The following FLYWCH1 variants were observed in gnomAD, a reference collection of about 807,000 sequenced individuals.
The protein encoded by FLYWCH1 is FLYWCH-type zinc finger 1, also known as FLYWCH-type zinc finger-containing protein 1.
In FLYWCH1, 75 loss-of-function variants were observed where a neutral mutation model predicts 66.4. The ratio of observed to expected loss-of-function variants is 1.13; its 90% confidence interval spans 0.94 to 1.37. The LOEUF is 1.37. Ranked by LOEUF, FLYWCH1 falls within the 40% of genes most tolerant of loss-of-function variation. The pLI is 0.00. For synonymous variants in FLYWCH1, 595 were observed against 429.9 expected, an observed-to-expected ratio of 1.38 and a Z score of -4.75; for missense variants, 1,334 against 1,001.8, an observed-to-expected ratio of 1.33 and a Z score of -4.48.
At chr16:2,926,350 C>G (rs1325366665) in intron 2 of FLYWCH1, among the ~76,000 whole-genome samples, 2 of 152,168 alleles carry the variant, frequency 1.3e-5, no homozygotes, top group African/African-American at 2.4e-5. Context: ...ATTAAAGCAG[C>G]TTTAGAACCG....
At chr16:2,920,876 C>T (rs1310935156) in intron 2 of FLYWCH1, among the ~76,000 whole-genome samples, 3 of 110,598 alleles carry the variant, frequency 2.7e-5, no homozygotes, top group African/African-American at 1.0e-4. Flanking sequence ...CAGTCTCACT[C>T]TGTCGCCCAG....
At chr16:2,923,190 T>C (rs2070439406) in intron 2 of FLYWCH1, 1 of 359,620 alleles carries the variant, frequency 2.8e-6, no homozygotes. Context: ...GCTTCAGCTT[T>C]ACAAGGGGCA....
chr16:2,921,049 G>A (rs1171868765), intron 2 of FLYWCH1, among the ~76,000 whole-genome samples: 1 of 151,516 alleles, frequency 6.6e-6, no homozygotes, highest in Non-Finnish European at 1.5e-5. Context: ...CACTGTGTTA[G>A]CCCGGATGGT....
intron 6 of FLYWCH1, chr16:2,934,601 C>T (rs1228030717): frequency 4.4e-6 from 2 of 456,236 alleles, no homozygotes; most frequent in Admixed American, 4.7e-5. Context: ...CCTGCTCTTC[C>T]TTCACGCCCC....
At chr16:2,919,741 AT>A (rs1172861550) in intron 2 of FLYWCH1, among the ~76,000 whole-genome samples, 2 of 151,962 alleles carry the variant, frequency 1.3e-5, no homozygotes, top group East Asian at 1.9e-4. Flanking sequence ...ATCCTCTTGA[AT>A]TTTTTTTCCA....
chr16:2,940,455 T>G (rs528808779), intron 9 of FLYWCH1, among the ~76,000 whole-genome samples: 1 of 152,316 alleles, frequency 6.6e-6, no homozygotes, highest in African/African-American at 2.4e-5. Flanking sequence ...TTTTATTTTT[T>G]GAGATGGAGT....
intron 2 of FLYWCH1, among the ~76,000 whole-genome samples, chr16:2,916,117 C>G (rs1038018747): frequency 6.6e-6 from 1 of 152,028 alleles, no homozygotes; most frequent in Non-Finnish European, 1.5e-5. Flanking sequence ...GAGGCAAAGA[C>G]GGGCTGATCA....
chr16:2,912,582 C>T (rs1259917335), intron 1 of FLYWCH1, among the ~76,000 whole-genome samples: 2 of 152,192 alleles, frequency 1.3e-5, no homozygotes, highest in African/African-American at 4.8e-5. Context: ...TGTTGACCCA[C>T]AGCCGACACT....
At chr16:2,916,493 C>T (rs969562020) in intron 2 of FLYWCH1, among the ~76,000 whole-genome samples, 3 of 151,708 alleles carry the variant, frequency 2.0e-5, no homozygotes, top group African/African-American at 7.3e-5. Flanking sequence ...AAAAATTATC[C>T]AGGCCTGGTG....
chr16:2,948,847 C>T lies in FLYWCH1; in HGVS notation c.*120C>T, dbSNP rs1214544825. On this transcript the variant is annotated 3_prime_UTR_variant, in exon 10 of 10. Transcript: ENST00000253928. ...ACTTCTTTTCATTCTTCCAAAGCATCGATGGTCTTCGCGTCTCCTCAGGAG... is the reference window on the plus strand; with the variant it reads ...ACTTCTTTTCATTCTTCCAAAGCATTGATGGTCTTCGCGTCTCCTCAGGAG... The T allele has an allele frequency of 1.2e-6, 1 of 861,006 alleles. No homozygotes were observed. Among genetic ancestry groups the T allele is most frequent in the Non-Finnish European group, 1.9e-6 (1 of 527,170 alleles). The allele number at this position is 861,006 out of a possible 1,614,324, so 53.3% of individuals were successfully genotyped here.
Position 2,933,362 on chromosome 16 carries a change from G to A in FLYWCH1, c.1029G>A (p.Gln343=), listed in dbSNP as rs561021656. The A allele has an allele frequency of 7.5e-6, 12 of 1,603,850 alleles. No homozygotes were observed. The East Asian group carries it at 2.3e-4, about 30-fold the overall frequency. The change falls in exon 5 of 10, where the codon CAG becomes CAA. Residue 343 remains glutamine (Q), a synonymous_variant. Coordinates refer to ENST00000253928, the MANE Select transcript of FLYWCH1 (RefSeq NM_001308068.2). The stretch of plus-strand genomic sequence containing the variant: ...TGGAGGGCCTGGAAGCCCGGCGGCA[G>A]CAGGAGAAGGCCGTGGAGACGCTGC... The part of the protein sequence containing the change: ...PDMEGLEARR[Q]QEKAVETLQA...
intron 6 of FLYWCH1, chr16:2,936,331 G>A (rs1240638733): frequency 4.4e-6 from 2 of 452,288 alleles, no homozygotes; most frequent in Admixed American, 4.8e-5. Flanking sequence ...GTGGTCCCCA[G>A]GCTCCTGTGC....
chr16:2,929,250 A>G (rs1314000327), intron 2 of FLYWCH1, among the ~76,000 whole-genome samples: 1 of 152,184 alleles, frequency 6.6e-6, no homozygotes, highest in Non-Finnish European at 1.5e-5. Flanking sequence ...TGGGTCAATA[A>G]GAACGTTCTG....
At position 2,923,017 on chromosome 16, in the gene FLYWCH1, G is replaced by A. The variant is rs1455821048; in HGVS notation, c.-73-6596G>A. The A allele has an allele frequency of 2.4e-5, 11 of 468,026 alleles. No individual in the cohort carries two copies. The East Asian group carries it at 5.7e-4, about 24-fold the overall frequency. 29.0% of individuals were successfully genotyped at this position (468,026 alleles called of 1,614,324 possible). A position where few individuals can be genotyped will look rare whatever the true frequency, so the allele number is the denominator to read the frequency against. On this transcript the variant is annotated intron_variant, in intron 2 of 9. Coordinates refer to ENST00000253928, the MANE Select transcript of FLYWCH1 (RefSeq NM_001308068.2). ...CGGGTGACGCGCGGATCTTTTTTTG[G>A]GGGGGCTGTTGTGTGGATCTTTTTT...
chr16:2,936,794 G>A (rs1045904862), intron 6 of FLYWCH1: 19 of 541,566 alleles, frequency 3.5e-5, no homozygotes, highest in Admixed American at 1.6e-4. Context: ...AACCAGGCAC[G>A]GCGCACCCTG....
In FLYWCH1 at chr16:2,933,275, C is replaced by G. The variant is rs759189854; in HGVS notation, c.942C>G (p.Ser314Arg). ...CRDHALHGCRSRAITQGQRVT... is the reference protein window; with the variant it reads ...CRDHALHGCRRRAITQGQRVT... ...ACCACGCGCTGCACGGCTGCCGGAGCCGGGCCATCACCCAGGGACAGCGGG... is the reference window on the plus strand; with the variant it reads ...ACCACGCGCTGCACGGCTGCCGGAGGCGGGCCATCACCCAGGGACAGCGGG... Residue 314 changes from serine (S) to arginine (R), a missense_variant, in exon 5 of 10, where the codon AGC becomes AGG. Ser to Arg is a moderately radical substitution (Grantham distance 110, BLOSUM62 -1). Coordinates refer to ENST00000253928, the MANE Select transcript of FLYWCH1 (RefSeq NM_001308068.2). 2.9e-5 allele frequency: 47 copies of G among 1,612,674 alleles called. No individual in the cohort carries two copies. The highest frequency in any genetic ancestry group is 3.0e-5 in the Non-Finnish European group (35 of 1,179,618).
intron 4 of FLYWCH1, among the ~76,000 whole-genome samples, 153 bp downstream of exon 4, chr16:2,931,033 A>G (rs1165887501): frequency 6.6e-6 from 1 of 152,208 alleles, no homozygotes; most frequent in Non-Finnish European, 1.5e-5. Context: ...GGCCGGGCAC[A>G]GTGGCTCACG....
chr16:2,933,738 G>C lies in FLYWCH1; in HGVS notation c.1272G>C (p.Thr424=), dbSNP rs199535795. The C allele has an allele frequency of 2.5e-5, 41 of 1,612,844 alleles. No homozygotes were observed. The African/African-American group carries it at 4.3e-4, about 17-fold the overall frequency. The change falls in exon 6 of 10, where the codon ACG becomes ACC. Residue 424 remains threonine, a synonymous_variant. Coordinates refer to ENST00000253928, the MANE Select transcript of FLYWCH1 (RefSeq NM_001308068.2). ...ADPGGPEFLK[T]PLGGSFLVYE... ...CAGGAGGCCCTGAGTTCCTGAAGAC[G>C]CCCCTGGGGGGCAGCTTCCTGGTGT...
At chr16:2,915,025 A>T (rs73482942) in intron 2 of FLYWCH1, among the ~76,000 whole-genome samples, 10,098 of 151,414 alleles carry the variant, frequency 0.067, 1,134 homozygotes, top group African/African-American at 0.23. Flanking sequence ...AAAAAAAAAA[A>T]GCACTTAAAC....
Sources: allele counts gnomAD v4.1 joint callset (sites outside exome capture counted in the v4.1 genomes callset), GRCh38; gene constraint gnomAD v4.1.1; transcripts MANE v1.5; gene names NCBI Gene and HGNC (gene_info 2026-07-23, HGNC 2026-07-21).